Variants in ZFPM2 observed in about 807,000 individuals in gnomAD.
ZFPM2 encodes the protein zinc finger protein, FOG family member 2.
In ZFPM2, 20 loss-of-function variants were observed where a neutral mutation model predicts 98.6. The ratio of observed to expected loss-of-function variants is 0.20; its 90% confidence interval spans 0.14 to 0.29. The LOEUF (loss-of-function observed/expected upper bound fraction) is 0.29. Among genes scored for constraint, ZFPM2 ranks in the 10% least tolerant of loss-of-function variants. The pLI is 1.00. For synonymous variants in ZFPM2, 518 were observed against 502.7 expected, an observed-to-expected ratio of 1.03 and a Z score of -0.41; for missense variants, 1,310 against 1,388.6, an observed-to-expected ratio of 0.94 and a Z score of 0.90.
At chr8:105,601,853 A>G (rs1250845754) in intron 4 of ZFPM2, among the ~76,000 whole-genome samples, 1 of 151,998 alleles carries the variant, frequency 6.6e-6, no homozygotes, top group African/African-American at 2.4e-5. Flanking sequence ...GAATCAGCTT[A>G]AAGAAAAGGA....
At chr8:105,382,696 A>G (rs1448925043) in intron 1 of ZFPM2, among the ~76,000 whole-genome samples, 1 of 152,040 alleles carries the variant, frequency 6.6e-6, no homozygotes, top group Admixed American at 6.6e-5. Context: ...TGATTTTATG[A>G]TGGAAAGACT....
In ZFPM2 at chr8:105,801,970, A is replaced by ACTGT; in HGVS notation, c.1891_1894dup (p.Leu632CysfsTer13). 6.2e-7 allele frequency: 1 copy of ACTGT among 1,613,790 alleles called. No homozygotes were observed. On this transcript the variant is annotated frameshift_variant, in exon 8 of 8. Coordinates refer to ENST00000407775, the MANE Select transcript of ZFPM2 (RefSeq NM_012082.4). LOFTEE classifies it high-confidence loss of function. ...TCAAACATCTTGCATCAATTCTTCC[A>ACTGT]CTGTCTTAGATTTAATTGGGCCAAA...
At chr8:105,691,387 T>C (rs1213593153) in intron 5 of ZFPM2, among the ~76,000 whole-genome samples, 1 of 143,102 alleles carries the variant, frequency 7.0e-6, no homozygotes. Flanking sequence ...TAGCCGGGAC[T>C]ACGGGCGCCC....
intron 5 of ZFPM2, among the ~76,000 whole-genome samples, chr8:105,685,962 T>C (rs1810723492): frequency 6.6e-6 from 1 of 152,140 alleles, no homozygotes; most frequent in African/African-American, 2.4e-5. Flanking sequence ...TTGTGTGATA[T>C]ATAATTTTCT....
chr8:105,417,893 T>A (rs1811709993), intron 1 of ZFPM2, among the ~76,000 whole-genome samples: 3 of 152,222 alleles, frequency 2.0e-5, no homozygotes, highest in South Asian at 4.1e-4. Context: ...GTAAAACACA[T>A]TTTTTTAAAG....
intron 3 of ZFPM2, among the ~76,000 whole-genome samples, chr8:105,552,051 T>A (rs1442242255): frequency 3.3e-5 from 5 of 152,186 alleles, no homozygotes; most frequent in Non-Finnish European, 5.9e-5. Flanking sequence ...AAATAAATGA[T>A]GTTGATTGAC....
Position 105,800,971 on chromosome 8 carries a change from T to A in ZFPM2, c.965-76T>A, listed in dbSNP as rs1813981787. On this transcript the variant is annotated intron_variant, in intron 7 of 7. Transcript: ENST00000407775. ...TTCCTATTGTGTTGCAAACATTAGG[T>A]CATTAGAAAAGGTCCCTGTCATTCA... is the stretch of plus-strand genomic sequence containing the variant. 3.1e-5 allele frequency: 41 copies of A among 1,343,606 alleles called. 1 individual carries two copies. In the South Asian group the frequency reaches 5.5e-4, roughly 18 times the overall value. 83.2% of individuals were successfully genotyped at this position (1,343,606 alleles called of 1,614,324 possible).
intron 5 of ZFPM2, among the ~76,000 whole-genome samples, chr8:105,763,605 A>C (rs1812785930): frequency 6.6e-6 from 1 of 151,874 alleles, no homozygotes; most frequent in South Asian, 2.1e-4. Context: ...CTTATACAAC[A>C]ATCATCTTCC....
intron 4 of ZFPM2, among the ~76,000 whole-genome samples, chr8:105,590,129 C>T (rs1160229766): frequency 6.6e-6 from 1 of 152,090 alleles, no homozygotes; most frequent in African/African-American, 2.4e-5. Flanking sequence ...ATTATTCTGC[C>T]TGGGTTTTCT....
chr8:105,378,760 A>G (rs143708761), intron 1 of ZFPM2, among the ~76,000 whole-genome samples: 149 of 152,296 alleles, frequency 9.8e-4, no homozygotes, highest in African/African-American at 3.3e-3. Flanking sequence ...GTCTCTCTAA[A>G]TCTAACAAAT....
intron 5 of ZFPM2, among the ~76,000 whole-genome samples, chr8:105,673,312 A>G (rs1817632079): frequency 6.6e-6 from 1 of 151,424 alleles, no homozygotes; most frequent in African/African-American, 2.4e-5. Flanking sequence ...CCCAGGAAAG[A>G]TAAATTTCTT....
chr8:105,422,610 C>T (rs1179089457), intron 2 of ZFPM2, among the ~76,000 whole-genome samples: 1 of 151,998 alleles, frequency 6.6e-6, no homozygotes, highest in African/African-American at 2.4e-5. Context: ...CAAAATTTAC[C>T]TGTTACCTAG....
At chr8:105,595,752 A>T (rs13256018) in intron 4 of ZFPM2, among the ~76,000 whole-genome samples, 32,705 of 151,898 alleles carry the variant, frequency 0.22, 4,081 homozygotes, top group South Asian at 0.35. Context: ...AATATCGTGA[A>T]TTTTTTTGCC....
chr8:105,703,276 C>A (rs1171469807), intron 5 of ZFPM2, among the ~76,000 whole-genome samples: 1 of 152,086 alleles, frequency 6.6e-6, no homozygotes, highest in Non-Finnish European at 1.5e-5. Flanking sequence ...GCACTTAGTG[C>A]TATCCACACA....
rs554269087 is a variant in ZFPM2 at position 105,325,752 on chromosome 8, G to A, written c.40+6771G>A. Among the ~76,000 whole-genome samples, 7 of 151,400 alleles carry A rather than the reference G, an allele frequency of 4.6e-5. No homozygotes were observed. The East Asian group carries it at 5.8e-4, about 13-fold the overall frequency. ...AATGCCGAGAGGCTTGTCTGAGAGG[G>A]TGTCATACCGTTACTGTCAGGCCGT... On this transcript the variant is annotated intron_variant, in intron 1 of 7. Transcript: ENST00000407775.
intron 4 of ZFPM2, among the ~76,000 whole-genome samples, chr8:105,625,863 C>CTCCCAAAGTACTGGGAAA (rs1198933252): frequency 6.6e-6 from 1 of 151,748 alleles, no homozygotes. Context: ...GATTACACGC[C>CTCCCAAAGTACTGGGAAA]CAGCCTGAGA....
intron 3 of ZFPM2, among the ~76,000 whole-genome samples, chr8:105,506,395 C>A (rs2130490363): frequency 6.6e-6 from 1 of 152,280 alleles, no homozygotes; most frequent in South Asian, 2.1e-4. Context: ...TAAATTGTTT[C>A]ATTTATCAGG....
intron 1 of ZFPM2, among the ~76,000 whole-genome samples, chr8:105,322,903 C>T (rs187600859): frequency 2.1e-3 from 322 of 152,052 alleles, no homozygotes; most frequent in Non-Finnish European, 2.7e-3. Flanking sequence ...CGTACGAATT[C>T]CTAACTTGCG....
intron 1 of ZFPM2, among the ~76,000 whole-genome samples, chr8:105,335,540 C>G (rs964449702): frequency 1.3e-5 from 2 of 151,554 alleles, no homozygotes; most frequent in Non-Finnish European, 1.5e-5. Flanking sequence ...GAATTCTATT[C>G]CTAAAGACCC....
Sources: allele counts gnomAD v4.1 joint callset (sites outside exome capture counted in the v4.1 genomes callset), GRCh38; gene constraint gnomAD v4.1.1; transcripts MANE v1.5; gene names NCBI Gene and HGNC (gene_info 2026-07-23, HGNC 2026-07-21).